The following CHN2 variants were observed in gnomAD, a reference collection of about 807,000 sequenced individuals.
CHN2 encodes chimerin 2.
CHN2 carries 35 observed loss-of-function variants against 56.3 expected under a neutral mutation model. The ratio of observed to expected loss-of-function variants is 0.62; its 90% CI spans 0.47 to 0.82. The LOEUF (loss-of-function observed/expected upper bound fraction) is 0.82. Ranked by LOEUF, CHN2 falls within the 40% of genes least tolerant of loss-of-function variation. CHN2 has a pLI of 0.00. For synonymous variants in CHN2, 210 were observed against 212.8 expected (o/e 0.99, Z 0.12); for missense variants, 491 against 580.5 (o/e 0.85, Z 1.58).
At chr7:29,499,588 CA>C (rs1365633164) in intron 8 of CHN2, among the ~76,000 whole-genome samples, 1 of 151,848 alleles carries the variant, frequency 6.6e-6, no homozygotes, top group African/African-American at 2.4e-5. Flanking sequence ...AAAACATATA[CA>C]AAAAAACCTG....
intron 1 of CHN2, among the ~76,000 whole-genome samples, chr7:29,302,523 A>T (rs111703040): frequency 0.35 from 45,679 of 130,748 alleles, 7,936 homozygotes; most frequent in African/African-American, 0.44. Flanking sequence ...TTTTTTTTTT[A>T]AGAGATAGGG....
intron 6 of CHN2, among the ~76,000 whole-genome samples, chr7:29,472,281 A>ACACACACACGCACACACACACACACACG (rs1786136748): frequency 7.0e-6 from 1 of 143,500 alleles, no homozygotes; most frequent in Non-Finnish European, 1.5e-5. Context: ...ATACACACAC[A>ACACACACACGCACACACACACACACACG]CACACACACA....
At chr7:29,185,438 A>G (rs1415890557) in intron 2 of CHN2, 1 of 152,212 alleles carries the variant, frequency 6.6e-6, no homozygotes, top group Non-Finnish European at 1.5e-5. Flanking sequence ...GCTCTTGATA[A>G]GAATTTGATT....
intron 2 of CHN2, among the ~76,000 whole-genome samples, chr7:29,366,306 A>T (rs1799156064): frequency 6.6e-6 from 1 of 152,136 alleles, no homozygotes; most frequent in Non-Finnish European, 1.5e-5. Context: ...ATGCGACCTG[A>T]AGAGGGCCTA....
chr7:29,404,391 G>A (rs1802465015), intron 6 of CHN2, among the ~76,000 whole-genome samples: 2 of 151,986 alleles, frequency 1.3e-5, no homozygotes, highest in African/African-American at 2.4e-5. Context: ...GTTTTAGTGG[G>A]GAAAAAATGA....
intron 1 of CHN2, among the ~76,000 whole-genome samples, chr7:29,198,385 C>T (rs1487821193): frequency 1.3e-5 from 2 of 152,108 alleles, no homozygotes; most frequent in African/African-American, 4.8e-5. Context: ...ACTACATCGC[C>T]CAAATGTGTC....
At chr7:29,225,522 T>A (rs1228068329) in intron 1 of CHN2, among the ~76,000 whole-genome samples, 5 of 152,178 alleles carry the variant, frequency 3.3e-5, no homozygotes, top group African/African-American at 1.2e-4. Flanking sequence ...CAGAGATGTG[T>A]ATATGCATGT....
At chr7:29,465,356 T>A (rs1785474541) in intron 6 of CHN2, among the ~76,000 whole-genome samples, 1 of 152,242 alleles carries the variant, frequency 6.6e-6, no homozygotes, top group South Asian at 2.1e-4. Flanking sequence ...TTTGAAAACA[T>A]CATCTGCATA....
intron 3 of CHN2, among the ~76,000 whole-genome samples, chr7:29,385,125 T>G (rs1323359247): frequency 6.6e-6 from 1 of 152,224 alleles, no homozygotes; most frequent in Non-Finnish European, 1.5e-5. Context: ...TTTCCTTAAG[T>G]AGTTGGAGGT....
intron 1 of CHN2, among the ~76,000 whole-genome samples, chr7:29,246,276 T>A (rs1788069962): frequency 6.6e-6 from 1 of 152,128 alleles, no homozygotes; most frequent in South Asian, 2.1e-4. Flanking sequence ...AGATCTCTTG[T>A]CTCTTTCCTG....
intron 1 of CHN2, among the ~76,000 whole-genome samples, chr7:29,226,535 G>GTT (rs1230233481): frequency 6.6e-6 from 1 of 152,186 alleles, no homozygotes. Context: ...ACCAGCATCA[G>GTT]TTTGAGTCTG....
At chr7:29,211,450 G>GCACACACACACACACACACACA (rs148200755) in intron 1 of CHN2, among the ~76,000 whole-genome samples, 1 of 138,360 alleles carries the variant, frequency 7.2e-6, no homozygotes, top group Non-Finnish European at 1.6e-5. Flanking sequence ...CTGCATGTTG[G>GCACACACACACACACACACACA]CACACACACA....
intron 6 of CHN2, among the ~76,000 whole-genome samples, chr7:29,475,682 A>T (rs985672724): frequency 6.6e-6 from 1 of 152,254 alleles, no homozygotes; most frequent in Non-Finnish European, 1.5e-5. Flanking sequence ...GTTATTCAGC[A>T]ACAAAAAGGA....
intron 1 of CHN2, among the ~76,000 whole-genome samples, chr7:29,251,108 C>T (rs1232627077): frequency 6.6e-6 from 1 of 152,184 alleles, no homozygotes; most frequent in African/African-American, 2.4e-5. Context: ...AATCAGTAAA[C>T]ATTTGTTATA....
At position 29,286,412 on chromosome 7, in the gene CHN2, G is replaced by C. The variant is rs541252410; in HGVS notation, c.50-68213G>C. Reference sequence around the variant, plus strand: ...GTCAGGACAAGTTGCATAGGTGGGAGGGGTGCAGGGAAAGGTGGGGTCTGC... The same window carrying C: ...GTCAGGACAAGTTGCATAGGTGGGACGGGTGCAGGGAAAGGTGGGGTCTGC... On this transcript the variant is annotated intron_variant, in intron 1 of 12. Coordinates refer to ENST00000222792, the MANE Select transcript of CHN2 (RefSeq NM_004067.4). Among the ~76,000 whole-genome samples, 3 of 152,122 alleles carry C rather than the reference G, an allele frequency of 2.0e-5. No individual in the cohort carries two copies. In the South Asian group the frequency reaches 6.2e-4, roughly 32 times the overall value.
At chr7:29,150,966 G>A (rs921760988) in intron 2 of CHN2, among the ~76,000 whole-genome samples, 1 of 152,144 alleles carries the variant, frequency 6.6e-6, no homozygotes, top group African/African-American at 2.4e-5. Flanking sequence ...GGGAGGGGTG[G>A]GTGGTAGATC....
chr7:29,432,269 C>A lies in CHN2; in HGVS notation c.576+31441C>A, dbSNP rs549157068. On this transcript the variant is annotated intron_variant, in intron 6 of 12. Coordinates refer to ENST00000222792, the MANE Select transcript of CHN2 (RefSeq NM_004067.4). ...AACATTCAGTCATAACATCCTGACC[C>A]AGAAGCATGAATGATATGTCTTGCT... Among the ~76,000 whole-genome samples, 3 of 152,290 alleles carry A rather than the reference C, an allele frequency of 2.0e-5. No homozygotes were observed. In the South Asian group the frequency reaches 6.2e-4, roughly 32 times the overall value.
At chr7:29,336,264 T>C (rs891763038) in intron 1 of CHN2, 7 of 152,148 alleles carry the variant, frequency 4.6e-5, no homozygotes, top group African/African-American at 1.7e-4. Flanking sequence ...GAAAGACGGC[T>C]TTTGTTGAGG....
At chr7:29,342,431 A>G (rs1336937943) in intron 1 of CHN2, among the ~76,000 whole-genome samples, 1 of 152,226 alleles carries the variant, frequency 6.6e-6, no homozygotes, top group Non-Finnish European at 1.5e-5. Context: ...GGCCAAAAAA[A>G]TATTTCTTGG....
Sources: gnomAD v4.1 joint callset for allele counts (sites outside exome capture counted in the v4.1 genomes callset) on GRCh38, gnomAD v4.1.1 for gene constraint, MANE v1.5 for transcripts, NCBI Gene and HGNC (gene_info 2026-07-23, HGNC 2026-07-21) for gene names.